Variants in ANKRD11 observed in about 807,000 individuals in gnomAD.
ANKRD11 encodes the protein ankyrin repeat domain 11.
Under a neutral mutation model 195.7 loss-of-function variants are expected in ANKRD11, and 17 were observed. The observed-to-expected ratio is 0.09, with a 90% confidence interval of 0.06 to 0.13. The LOEUF is 0.13. Ranked by LOEUF, ANKRD11 falls within the 10% of genes least tolerant of loss-of-function variation. The probability of loss-of-function intolerance (pLI) is 1.00; values close to 1 mark genes in which losing one functional copy is unlikely to be tolerated. For synonymous variants in ANKRD11, 1,953 were observed against 1,528.1 expected (o/e 1.28, Z -6.49); for missense variants, 3,735 against 3,566.1 (o/e 1.05, Z -1.21).
At chr16:89,322,867 T>TTGTC (rs1276531595) in intron 2 of ANKRD11, among the ~76,000 whole-genome samples, 18 of 152,130 alleles carry the variant, frequency 1.2e-4, no homozygotes, top group African/African-American at 4.1e-4. Context: ...GTTTGTTTGT[T>TTGTC]TGAGACAGCT....
rs2034548375 is a variant in ANKRD11, at chr16:89,285,026, G to A, written c.1516C>T (p.Pro506Ser). The change falls in exon 9 of 13, where the codon CCG (proline) becomes TCG (serine). Residue 506 changes from proline (P) to serine (S), a missense_variant. Transcript: ENST00000301030. This position sits in a 1 kb window ranked among gnomAD's most constrained non-coding sequence, Gnocchi z 5.6. Reference protein sequence around the residue: ...LGSSGCLKGSPLVLKDPSLFS... With the variant: ...LGSSGCLKGSSLVLKDPSLFS... ...AGGGAGGGGTCCTTCAGCACCAGCG[G>A]GGACCCCTTGAGGCAGCCAGAGCTC... 6.2e-7 allele frequency: 1 copy of A among 1,613,890 alleles called. No homozygotes were observed. Among genetic ancestry groups the A allele is most frequent in the Non-Finnish European group, 8.5e-7 (1 of 1,180,026 alleles).
intron 2 of ANKRD11, among the ~76,000 whole-genome samples, chr16:89,365,179 G>A (rs2039892556): frequency 6.6e-6 from 1 of 152,124 alleles, no homozygotes; most frequent in African/African-American, 2.4e-5. Context: ...CAACAATCCT[G>A]TCCAGTGATG....
rs2057487370 is a variant in ANKRD11, at chr16:89,482,814, T to C, written c.-145+7431A>G. ...CAAAAAAGCGGGTGGGCAGCAGGAGTCAGAGAGATGCCATGAGGCTGGCTT... is the reference window on the plus strand; with the variant it reads ...CAAAAAAGCGGGTGGGCAGCAGGAGCCAGAGAGATGCCATGAGGCTGGCTT... On this transcript the variant is annotated intron_variant, in intron 1 of 12. Coordinates refer to ENST00000301030, the MANE Select transcript of ANKRD11 (RefSeq NM_013275.6). 2.0e-5 allele frequency among the ~76,000 whole-genome samples: 3 copies of C among 151,914 alleles called. No homozygotes were observed. In the South Asian group the frequency reaches 6.3e-4, roughly 32 times the overall value.
chr16:89,383,491 C>T lies in ANKRD11; in HGVS notation c.-60+34793G>A, dbSNP rs140289235. 8.4e-3 allele frequency among the ~76,000 whole-genome samples: 1,278 copies of T among 152,324 alleles called. 14 individuals carry two copies. The highest frequency in any genetic ancestry group is 0.037 in the South Asian group (181 of 4,830). Reference sequence around the variant, plus strand: ...CTCATTTCTGTCTCATTCAAAACCTCGGGGCCATGTCCAGTGGACGCTGCT... The same window carrying T: ...CTCATTTCTGTCTCATTCAAAACCTTGGGGCCATGTCCAGTGGACGCTGCT... On this transcript the variant is annotated intron_variant, in intron 2 of 12. Transcript: ENST00000301030.
Position 89,279,771 on chromosome 16 carries a change from C to T in ANKRD11, c.6771G>A (p.Gly2257=). ...EQRPLGSGDQ[G]AEAEGPPAAS... is the part of the protein sequence containing the mutation. ...CGGCGGGGGGGCCTTCAGCCTCAGCCCCCTGGTCTCCGCTCCCCAGTGGGC... is the reference window on the plus strand; with the variant it reads ...CGGCGGGGGGGCCTTCAGCCTCAGCTCCCTGGTCTCCGCTCCCCAGTGGGC... The change falls in exon 9 of 13, where the codon GGG becomes GGA. Residue 2257 remains glycine (G), a synonymous_variant. Coordinates refer to ENST00000301030, the MANE Select transcript of ANKRD11 (RefSeq NM_013275.6). This position sits in a 1 kb window ranked among gnomAD's most constrained non-coding sequence, Gnocchi z 5.6. 3 of 1,528,874 alleles carry T rather than the reference C, an allele frequency of 2.0e-6. No individual in the cohort carries two copies. Among genetic ancestry groups the T allele is most frequent in the Non-Finnish European group, 2.6e-6 (3 of 1,141,452 alleles). The allele number at this position is 1,528,874 out of a possible 1,614,324, so 94.7% of individuals were successfully genotyped here. A position where few individuals can be genotyped will look rare whatever the true frequency, so the allele number is the denominator to read the frequency against.
chr16:89,348,902 C>A (rs988571490), intron 2 of ANKRD11, among the ~76,000 whole-genome samples: 4 of 148,710 alleles, frequency 2.7e-5, no homozygotes, highest in East Asian at 2.0e-4. Context: ...CCCAGCCGGG[C>A]ATATCACCTG....
At chr16:89,346,988 T>C (rs974491758) in intron 2 of ANKRD11, among the ~76,000 whole-genome samples, 3 of 152,200 alleles carry the variant, frequency 2.0e-5, no homozygotes, top group Non-Finnish European at 2.9e-5. Context: ...AGGCGCGAAC[T>C]GTCTGCGAAG....
At chr16:89,370,954 G>A (rs1424332648) in intron 2 of ANKRD11, among the ~76,000 whole-genome samples, 1 of 152,034 alleles carries the variant, frequency 6.6e-6, no homozygotes, top group Non-Finnish European at 1.5e-5. Context: ...CAAGCCCTGC[G>A]GACACCACGA....
chr16:89,427,277 A>G (rs1479149535), intron 1 of ANKRD11, among the ~76,000 whole-genome samples: 1 of 152,222 alleles, frequency 6.6e-6, no homozygotes, highest in African/African-American at 2.4e-5. Flanking sequence ...AAATAAGTGG[A>G]GGGAAAAAAT....
chr16:89,304,188 C>G (rs976580426), intron 4 of ANKRD11, among the ~76,000 whole-genome samples: 1 of 152,218 alleles, frequency 6.6e-6, no homozygotes, highest in Non-Finnish European at 1.5e-5. Context: ...CAGCTCAAGA[C>G]AGAATCCACT....
chr16:89,476,094 T>C (rs919066077), intron 1 of ANKRD11, among the ~76,000 whole-genome samples: 8 of 148,196 alleles, frequency 5.4e-5, no homozygotes, highest in Non-Finnish European at 8.9e-5. Flanking sequence ...AGCCAAACAA[T>C]GGAGAAAACA....
intron 4 of ANKRD11, among the ~76,000 whole-genome samples, chr16:89,293,685 G>C (rs1366535490): frequency 2.0e-5 from 3 of 146,480 alleles, no homozygotes; most frequent in African/African-American, 7.6e-5. Flanking sequence ...GGAGGAGCTG[G>C]GGCAGAGTTG....
In ANKRD11 at chr16:89,490,520, TG is replaced by T. The variant is rs1364471879; in HGVS notation, c.-421del. 1 of 471,810 alleles carries T rather than the reference TG, an allele frequency of 2.1e-6. No homozygotes were observed. 29.2% of individuals were successfully genotyped at this position (471,810 alleles called of 1,614,324 possible). On this transcript the variant is annotated 5_prime_UTR_variant, in exon 1 of 13. The change abolishes the stop of an existing upstream ORF in the 5' untranslated region. Transcript: ENST00000301030. The stretch of plus-strand genomic sequence containing the variant: ...GGCTCGGCGGCGGCGCCTCCCCGGC[TG>T]GGGCCCTCGGTCCATCGCGCACCGT...
Position 89,286,033 on chromosome 16 carries a change from A to C in ANKRD11, c.892+6T>G. 6.2e-7 allele frequency: 1 copy of C among 1,614,160 alleles called. No homozygotes were observed. Among genetic ancestry groups the C allele is most frequent in the Non-Finnish European group, 8.5e-7 (1 of 1,180,048 alleles). ...AGAACAGGCAGCTCAGGTGGCCGTG[A>C]CTTACCCGTCGAGCTCTCCTCGCTG... On this transcript the variant is annotated splice_donor_region_variant and intron_variant, in intron 8 of 12. Coordinates refer to ENST00000301030, the MANE Select transcript of ANKRD11 (RefSeq NM_013275.6).
At chr16:89,454,473 T>C (rs887665059) in intron 1 of ANKRD11, among the ~76,000 whole-genome samples, 1 of 152,188 alleles carries the variant, frequency 6.6e-6, no homozygotes, top group Non-Finnish European at 1.5e-5. Flanking sequence ...AATTAATTTT[T>C]AATAAGCACT....
At chr16:89,472,962 G>T (rs1043718702) in intron 1 of ANKRD11, among the ~76,000 whole-genome samples, 1 of 152,148 alleles carries the variant, frequency 6.6e-6, no homozygotes, top group Non-Finnish European at 1.5e-5. Flanking sequence ...GGCTGAGGCA[G>T]GAGGATCACT....
chr16:89,321,428 G>C (rs1282113025), intron 2 of ANKRD11, among the ~76,000 whole-genome samples: 1 of 135,286 alleles, frequency 7.4e-6, no homozygotes, highest in African/African-American at 2.7e-5. Flanking sequence ...GTGGGGCGGG[G>C]CCTGCAGGGC....
At chr16:89,428,368 A>T (rs2042817138) in intron 1 of ANKRD11, among the ~76,000 whole-genome samples, 2 of 151,938 alleles carry the variant, frequency 1.3e-5, no homozygotes, top group African/African-American at 4.8e-5. Flanking sequence ...TACTAAAAAT[A>T]CAAAAAAATT....
intron 1 of ANKRD11, among the ~76,000 whole-genome samples, chr16:89,423,234 T>C (rs1224555504): frequency 6.6e-6 from 1 of 152,240 alleles, no homozygotes; most frequent in Non-Finnish European, 1.5e-5. Context: ...GCTATGACCT[T>C]ATGCAAACAA....
Sources: allele counts gnomAD v4.1 joint callset (sites outside exome capture counted in the v4.1 genomes callset), GRCh38; gene constraint gnomAD v4.1.1; non-coding constraint Gnocchi (gnomAD v3.1); transcripts MANE v1.5; gene names NCBI Gene and HGNC (gene_info 2026-07-23, HGNC 2026-07-21).